Variants in MARCHF10 observed in about 807,000 individuals in gnomAD.
MARCHF10 encodes the protein membrane associated ring-CH-type finger 10.
MARCHF10 carries 64 observed loss-of-function variants against 76.2 expected under a neutral mutation model. The ratio of observed to expected loss-of-function variants is 0.84; its 90% CI spans 0.69 to 1.03. The LOEUF is 1.03. MARCHF10 is among the 50% of genes least tolerant of loss of function. The pLI is 0.00. For synonymous variants in MARCHF10, 340 were observed against 357.5 expected, an observed-to-expected ratio of 0.95 and a Z score of 0.55; for missense variants, 875 against 958.0, an observed-to-expected ratio of 0.91 and a Z score of 1.14.
At chr17:62,781,695 T>C (rs1193251605) in intron 3 of MARCHF10, among the ~76,000 whole-genome samples, 3 of 152,196 alleles carry the variant, frequency 2.0e-5, no homozygotes, top group Non-Finnish European at 2.9e-5. Flanking sequence ...TCTGCCCACC[T>C]CAAGGCAGTT....
At chr17:62,798,129 G>A (rs1161881308) in intron 2 of MARCHF10, among the ~76,000 whole-genome samples, 2 of 152,148 alleles carry the variant, frequency 1.3e-5, no homozygotes, top group Non-Finnish European at 2.9e-5. Flanking sequence ...AGGATTACAA[G>A]TCTTAGTATA....
At chr17:62,790,329 C>A (rs2092821556) in intron 2 of MARCHF10, among the ~76,000 whole-genome samples, 1 of 152,128 alleles carries the variant, frequency 6.6e-6, no homozygotes, top group South Asian at 2.1e-4. Context: ...GAGTGTGCCA[C>A]CACGCCCAGC....
At chr17:62,716,068 C>T (rs568955949) in intron 8 of MARCHF10, among the ~76,000 whole-genome samples, 6 of 152,304 alleles carry the variant, frequency 3.9e-5, no homozygotes, top group East Asian at 1.9e-4. Flanking sequence ...TCTTTCCTTC[C>T]GCTGTTAAAC....
At chr17:62,726,850 A>T (rs2090780831) in intron 6 of MARCHF10, among the ~76,000 whole-genome samples, 1 of 152,024 alleles carries the variant, frequency 6.6e-6, no homozygotes, top group Non-Finnish European at 1.5e-5. Context: ...GCTGGTCTCG[A>T]ACCCTTGACC....
At chr17:62,721,364 C>CTT (rs146401118) in intron 8 of MARCHF10, among the ~76,000 whole-genome samples, 1 of 147,980 alleles carries the variant, frequency 6.8e-6, no homozygotes. Flanking sequence ...TATTACCCCC[C>CTT]TTTTTTTTTT....
chr17:62,702,576 G>A (rs1286415589), intron 10 of MARCHF10, among the ~76,000 whole-genome samples: 2 of 152,168 alleles, frequency 1.3e-5, no homozygotes, highest in African/African-American at 4.8e-5. Context: ...TGAGGCAGGA[G>A]AATCGCTTGA....
At chr17:62,730,667 G>A (rs139221628) in intron 6 of MARCHF10, among the ~76,000 whole-genome samples, 2,602 of 152,190 alleles carry the variant, frequency 0.017, 86 homozygotes, top group African/African-American at 0.06. Context: ...AGGCTGAGGC[G>A]GGTGGATCAC....
At chr17:62,756,116 C>T (rs1167634662) in intron 4 of MARCHF10, among the ~76,000 whole-genome samples, 8 of 152,090 alleles carry the variant, frequency 5.3e-5, no homozygotes, top group Non-Finnish European at 1.0e-4. Context: ...GGCATGGTGG[C>T]GCATGTCTGT....
intron 3 of MARCHF10, among the ~76,000 whole-genome samples, chr17:62,763,132 A>G (rs903679468): frequency 7.2e-5 from 11 of 152,240 alleles, no homozygotes; most frequent in Non-Finnish European, 1.6e-4. Flanking sequence ...AGCACCATAT[A>G]CATGTAACCC....
chr17:62,719,164 C>T (rs2090363558), intron 8 of MARCHF10, among the ~76,000 whole-genome samples: 1 of 152,168 alleles, frequency 6.6e-6, no homozygotes, highest in African/African-American at 2.4e-5. Flanking sequence ...ATAGAATACA[C>T]TCAGAGATAC....
chr17:62,735,523 A>C lies in MARCHF10; in HGVS notation c.1937+408T>G, dbSNP rs553410214. On this transcript the variant is annotated intron_variant, in intron 6 of 10. Transcript: ENST00000311269. ...TAGAACTGTTGGTTGGATTTGGGGT[A>C]AGTCCCATAAGGGAGAGCTGCGAAC... The C allele has an allele frequency of 4.4e-4, 72 of 164,522 alleles. 1 individual carries two copies. Among genetic ancestry groups the C allele is most frequent in the African/African-American group, 1.6e-3 (66 of 41,814 alleles). The allele number at this position is 164,522 out of a possible 1,614,324, so 10.2% of individuals were successfully genotyped here.
At position 62,736,000 on chromosome 17, in the gene MARCHF10, C is replaced by T. The variant is rs772070614; in HGVS notation, c.1868G>A (p.Gly623Asp). Residue 623 changes from glycine to aspartate, a missense_variant, in exon 6 of 11, where the codon GGT becomes GAT. Gly to Asp is a moderately conservative substitution (Grantham distance 94, BLOSUM62 -1). Coordinates refer to ENST00000311269, the MANE Select transcript of MARCHF10 (RefSeq NM_152598.4). ...ACTGGTTTCCTTTTCATCTGTGAAA[C>T]CAGAGGCTGCCATCCTGCTCCCATT... The part of the protein sequence containing the change: ...NDNGSRMAAS[G>D]FTDEKETSKI... 2 of 1,613,852 alleles carry T rather than the reference C, an allele frequency of 1.2e-6. No individual in the cohort carries two copies. Among genetic ancestry groups the T allele is most frequent in the East Asian group, 2.2e-5 (1 of 44,900 alleles).
At chr17:62,748,960 A>G (rs376027014) in intron 4 of MARCHF10, among the ~76,000 whole-genome samples, 28 of 152,336 alleles carry the variant, frequency 1.8e-4, no homozygotes, top group African/African-American at 6.0e-4. Flanking sequence ...CAGAAAAGGA[A>G]GGGGTTTGTG....
intron 8 of MARCHF10, among the ~76,000 whole-genome samples, chr17:62,718,192 C>T (rs1174769677): frequency 6.6e-6 from 1 of 152,176 alleles, no homozygotes; most frequent in Non-Finnish European, 1.5e-5. Flanking sequence ...GATAAGAGAA[C>T]TGAGGTGCAG....
intron 9 of MARCHF10, among the ~76,000 whole-genome samples, chr17:62,709,502 A>C (rs1310933207): frequency 1.3e-5 from 2 of 151,784 alleles, no homozygotes; most frequent in Non-Finnish European, 2.9e-5. Flanking sequence ...AAAACAAAAC[A>C]AAAAAAACGA....
chr17:62,793,207 A>ACCACCTCCACTG (rs2092904421), intron 2 of MARCHF10, among the ~76,000 whole-genome samples: 1 of 125,838 alleles, frequency 7.9e-6, no homozygotes, highest in Non-Finnish European at 1.7e-5. Flanking sequence ...CACCACCACC[A>ACCACCTCCACTG]CCACCACCAC....
intron 6 of MARCHF10, among the ~76,000 whole-genome samples, chr17:62,732,317 A>T (rs563587100): frequency 1.8e-4 from 27 of 152,344 alleles, no homozygotes; most frequent in South Asian, 4.1e-4. Flanking sequence ...GGCTTACATC[A>T]TCGCATATCA....
chr17:62,752,579 T>C (rs990123623), intron 4 of MARCHF10, among the ~76,000 whole-genome samples: 1 of 152,102 alleles, frequency 6.6e-6, no homozygotes, highest in Non-Finnish European at 1.5e-5. Flanking sequence ...CACCAAGTTC[T>C]GCCAGCTTTA....
At chr17:62,715,296 T>A (rs2090138810) in intron 8 of MARCHF10, among the ~76,000 whole-genome samples, 1 of 152,236 alleles carries the variant, frequency 6.6e-6, no homozygotes. Context: ...CATGACCATC[T>A]TTAGTTGGGG....
Sources: allele counts gnomAD v4.1 joint callset (sites outside exome capture counted in the v4.1 genomes callset), GRCh38; gene constraint gnomAD v4.1.1; transcripts MANE v1.5; gene names NCBI Gene and HGNC (gene_info 2026-07-23, HGNC 2026-07-21).